UBE3D: variants seen among roughly 807,000 people sequenced by gnomAD.
UBE3D encodes ubiquitin protein ligase E3D.
UBE3D carries 48 observed loss-of-function variants against 49.6 expected under a neutral mutation model. That is an observed-to-expected ratio of 0.97 (90% CI 0.77 to 1.23). The LOEUF is 1.23. Ranked by LOEUF, UBE3D falls within the 50% of genes most tolerant of loss-of-function variation. The probability of loss-of-function intolerance (pLI) is 0.00; values close to 1 mark genes in which losing one functional copy is unlikely to be tolerated. For missense variants in UBE3D, 452 were observed against 468.4 expected, an observed-to-expected ratio of 0.96 and a Z score of 0.32; for synonymous variants, 189 against 174.2, an observed-to-expected ratio of 1.08 and a Z score of -0.67.
At chr6:82,937,020 C>T (rs530639521) in intron 9 of UBE3D, among the ~76,000 whole-genome samples, 2 of 152,318 alleles carry the variant, frequency 1.3e-5, no homozygotes, top group South Asian at 4.1e-4. Context: ...TCCACCTCCA[C>T]TGCAGGCCCT....
chr6:83,041,686 A>G (rs931584918), intron 4 of UBE3D, among the ~76,000 whole-genome samples: 1 of 152,206 alleles, frequency 6.6e-6, no homozygotes, highest in Non-Finnish European at 1.5e-5. Flanking sequence ...TTTTCTAAGA[A>G]AACAAAAAAG....
At chr6:82,938,422 G>C (rs927888466) in intron 9 of UBE3D, 1 of 152,112 alleles carries the variant, frequency 6.6e-6, no homozygotes, top group Non-Finnish European at 1.5e-5. Flanking sequence ...AGGAGATGTG[G>C]GGATGCCGGG....
chr6:82,924,796 C>T (rs1046589402), intron 9 of UBE3D: 9 of 152,054 alleles, frequency 5.9e-5, no homozygotes, highest in African/African-American at 2.2e-4. Flanking sequence ...ATGGAAAATG[C>T]ATAGTATTTA....
chr6:83,025,094 T>C (rs150313509), intron 5 of UBE3D, among the ~76,000 whole-genome samples: 21 of 152,358 alleles, frequency 1.4e-4, no homozygotes, highest in Non-Finnish European at 2.4e-4. Context: ...ATCATATAAC[T>C]GAATAACTCA....
chr6:82,951,932 T>C (rs2127767846), intron 9 of UBE3D, among the ~76,000 whole-genome samples: 1 of 152,272 alleles, frequency 6.6e-6, no homozygotes, highest in East Asian at 1.9e-4. Flanking sequence ...CATAAGGGTC[T>C]TTAGAGATAG....
chr6:82,948,968 A>G (rs1337731941), intron 9 of UBE3D, among the ~76,000 whole-genome samples: 1 of 152,096 alleles, frequency 6.6e-6, no homozygotes, highest in African/African-American at 2.4e-5. Context: ...AAACATGACA[A>G]GGATGCCCAC....
chr6:82,883,778 T>C, the UBE3D span, among the ~76,000 whole-genome samples: 2 of 152,192 alleles, frequency 1.3e-5, no homozygotes, highest in Non-Finnish European at 1.5e-5. Flanking sequence ...GCTACATAAC[T>C]GCTTTAAAAC....
At chr6:82,994,432 C>T (rs1378495544) in intron 8 of UBE3D, among the ~76,000 whole-genome samples, 1 of 152,104 alleles carries the variant, frequency 6.6e-6, no homozygotes, top group African/African-American at 2.4e-5. Context: ...GAGAGTATGA[C>T]AGACACAGCA....
intron 8 of UBE3D, among the ~76,000 whole-genome samples, chr6:82,957,888 C>T (rs1776277236): frequency 1.3e-5 from 2 of 152,168 alleles, no homozygotes; most frequent in South Asian, 4.1e-4. Context: ...TGGATAGGCC[C>T]TTATGGAACA....
At chr6:82,971,187 A>G (rs1777326723) in intron 8 of UBE3D, among the ~76,000 whole-genome samples, 1 of 152,196 alleles carries the variant, frequency 6.6e-6, no homozygotes, top group Non-Finnish European at 1.5e-5. Context: ...ATATATCATA[A>G]TATTTGTTAG....
At chr6:82,968,431 A>C (rs1777108057) in intron 8 of UBE3D, among the ~76,000 whole-genome samples, 1 of 150,732 alleles carries the variant, frequency 6.6e-6, no homozygotes, top group East Asian at 1.9e-4. Context: ...TAACACATCA[A>C]GGTGTGTATG....
chr6:83,062,968 A>G (rs566975378), intron 1 of UBE3D, among the ~76,000 whole-genome samples: 8 of 152,360 alleles, frequency 5.3e-5, no homozygotes, highest in Non-Finnish European at 1.2e-4. Flanking sequence ...CTAAAACGAT[A>G]TAACTCCTAG....
At chr6:82,896,734 CTG>C (rs1447367218) in intron 9 of UBE3D, among the ~76,000 whole-genome samples, 4 of 150,450 alleles carry the variant, frequency 2.7e-5, no homozygotes, top group African/African-American at 9.9e-5. Context: ...TTTTTATCCT[CTG>C]TTTTGTCTTT....
chr6:83,035,711 T>C (rs1490711478), intron 5 of UBE3D, among the ~76,000 whole-genome samples: 1 of 152,214 alleles, frequency 6.6e-6, no homozygotes, highest in African/African-American at 2.4e-5. Flanking sequence ...TTACAGTGGG[T>C]ACTTAGTGGA....
the UBE3D span, among the ~76,000 whole-genome samples, chr6:82,882,498 C>T: frequency 1.1e-4 from 16 of 152,236 alleles, no homozygotes; most frequent in East Asian, 3.9e-4. Context: ...CAGTTCTTCC[C>T]GGCTACCTTC....
At chr6:82,938,487 A>C (rs1774759146) in intron 9 of UBE3D, 1 of 152,220 alleles carries the variant, frequency 6.6e-6, no homozygotes. Flanking sequence ...GGATTCTACA[A>C]GACATCTGAG....
In UBE3D at chr6:82,945,676, G is replaced by A. The variant is rs138869272; in HGVS notation, c.1149+11636C>T. On this transcript the variant is annotated intron_variant, in intron 9 of 9. Transcript: ENST00000369747. ...CCAAACAAACTAAATGAGGCACCAG[G>A]GATCAATCCTGGTGGAGAAAGAAAG... Among the ~76,000 whole-genome samples the A allele has an allele frequency of 4.6e-3, 696 of 152,218 alleles. 3 individuals carry two copies. The highest frequency in any genetic ancestry group is 7.0e-3 in the Non-Finnish European group (477 of 68,008).
chr6:82,960,409 A>G (rs919222173), intron 8 of UBE3D, among the ~76,000 whole-genome samples: 1 of 152,036 alleles, frequency 6.6e-6, no homozygotes, highest in Non-Finnish European at 1.5e-5. Context: ...TGCTCTCCAT[A>G]ATCCACTATT....
At chr6:82,952,189 G>C (rs943801419) in intron 9 of UBE3D, among the ~76,000 whole-genome samples, 2 of 152,038 alleles carry the variant, frequency 1.3e-5, no homozygotes, top group African/African-American at 4.8e-5. Flanking sequence ...AGGGGTTCTC[G>C]AGCCAGGCCT....
Sources: allele counts gnomAD v4.1 joint callset (sites outside exome capture counted in the v4.1 genomes callset), GRCh38; gene constraint gnomAD v4.1.1; transcripts MANE v1.5; gene names NCBI Gene and HGNC (gene_info 2026-07-23, HGNC 2026-07-21).